CFAP58: variants seen among roughly 807,000 people sequenced by gnomAD.
CFAP58 encodes cilia and flagella associated protein 58, also known as cilia- and flagella-associated protein 58.
In CFAP58, 88 loss-of-function variants were observed where a neutral mutation model predicts 119.5. The observed-to-expected ratio is 0.74, with a 90% CI of 0.62 to 0.88. CFAP58 has a LOEUF of 0.88. CFAP58 is among the 40% of genes least tolerant of loss of function. The pLI, the probability that CFAP58 is intolerant of heterozygous loss-of-function variation, is 0.00. For synonymous variants in CFAP58, 365 were observed against 366.3 expected (o/e 1.00, Z 0.04); for missense variants, 990 against 1,021.2 (o/e 0.97, Z 0.42).
At chr10:104,359,480 G>GA (rs35390906) in intron 2 of CFAP58, among the ~76,000 whole-genome samples, 1 of 152,004 alleles carries the variant, frequency 6.6e-6, no homozygotes, top group African/African-American at 2.4e-5. Context: ...TTTTATAATG[G>GA]AAAAAAACAT....
upstream of CFAP58, chr10:104,353,816 C>A: frequency 6.5e-7 from 1 of 1,537,038 alleles, no homozygotes; most frequent in Non-Finnish European, 8.9e-7. Context: ...GCGCGTCGCG[C>A]CTTTAGCTTC....
intron 7 of CFAP58, among the ~76,000 whole-genome samples, chr10:104,372,772 G>A (rs191874729): frequency 1.1e-4 from 17 of 152,302 alleles, no homozygotes; most frequent in East Asian, 3.9e-4. Flanking sequence ...CCCATTTGGC[G>A]TTGAGCCCAA....
chr10:104,433,611 T>G (rs1222511363), intron 15 of CFAP58, among the ~76,000 whole-genome samples: 1 of 152,216 alleles, frequency 6.6e-6, no homozygotes. Flanking sequence ...AGAGCCAGGA[T>G]GGAGCCCTCT....
chr10:104,450,137 C>G lies in CFAP58; in HGVS notation c.2443C>G (p.Leu815Val), dbSNP rs372689808. 1 of 1,612,896 alleles carries G rather than the reference C, an allele frequency of 6.2e-7. No individual in the cohort carries two copies. Among genetic ancestry groups the G allele is most frequent in the Non-Finnish European group, 8.5e-7 (1 of 1,179,264 alleles). ...AGAATATAAATATGAGGTAGAGAAACTTACCAATGAGCTCCAGAATTTAAA... is the reference window on the plus strand; with the variant it reads ...AGAATATAAATATGAGGTAGAGAAAGTTACCAATGAGCTCCAGAATTTAAA... Reference protein sequence around the residue: ...SKEYKYEVEKLTNELQNLKKK... With the variant: ...SKEYKYEVEKVTNELQNLKKK... Residue 815 changes from leucine (L) to valine (V), a missense_variant, in exon 17 of 18, where the codon CTT (leucine) becomes GTT (valine). Transcript: ENST00000369704.
rs568070867 is a variant in CFAP58, at chr10:104,404,451, T to G, written c.2151+611T>G. Among the ~76,000 whole-genome samples, 3 of 152,184 alleles carry G rather than the reference T, an allele frequency of 2.0e-5. No individual in the cohort carries two copies. The East Asian group carries it at 5.8e-4, about 29-fold the overall frequency. ...CAGTTAAAGACAAACTCTTGCTTAT[T>G]CAAGAAAAAGCCATCTCTTTAGTTG... On this transcript the variant is annotated intron_variant, in intron 14 of 17. Transcript: ENST00000369704.
chr10:104,370,924 C>G lies in CFAP58; in HGVS notation c.960C>G (p.Arg320=). Residue 320 remains arginine, a synonymous_variant, in exon 7 of 18, where the codon CGC becomes CGG. Transcript: ENST00000369704. ...KAKEEEVHQM[R]LDIGKLNKIR... Reference sequence around the variant, plus strand: ...AAGAGGAAGAAGTCCATCAAATGCGCCTTGACATCGGGAAGCTCAACAAAA... The same window carrying G: ...AAGAGGAAGAAGTCCATCAAATGCGGCTTGACATCGGGAAGCTCAACAAAA... 3 of 1,613,248 alleles carry G rather than the reference C, an allele frequency of 1.9e-6. No homozygotes were observed. Among genetic ancestry groups the G allele is most frequent in the Non-Finnish European group, 2.5e-6 (3 of 1,179,778 alleles).
At chr10:104,402,010 C>CACAT (rs1398799494) in intron 13 of CFAP58, among the ~76,000 whole-genome samples, 1 of 152,156 alleles carries the variant, frequency 6.6e-6, no homozygotes, top group Non-Finnish European at 1.5e-5. Context: ...CACAAAGGAC[C>CACAT]ACATTTTATC....
chr10:104,368,640 G>A, intron 6 of CFAP58, 80 bp downstream of exon 6: 1 of 1,506,856 alleles, frequency 6.6e-7, no homozygotes, highest in Non-Finnish European at 9.1e-7. Context: ...GCCCTCAGTT[G>A]GAGAGCCTGT....
At chr10:104,340,462 G>A in the CFAP58 span, among the ~76,000 whole-genome samples, 1 of 152,146 alleles carries the variant, frequency 6.6e-6, no homozygotes, top group Admixed American at 6.5e-5. Flanking sequence ...CTCAGAACAG[G>A]CAGTTACTCC....
intron 9 of CFAP58, among the ~76,000 whole-genome samples, chr10:104,390,506 T>C (rs2012012261): frequency 6.6e-6 from 1 of 152,228 alleles, no homozygotes. Flanking sequence ...GTTTCCTTCT[T>C]TGTAAAATTG....
At position 104,447,729 on chromosome 10, in the gene CFAP58, A is replaced by G. The variant is rs1271129491; in HGVS notation, c.2288A>G (p.His763Arg). The G allele has an allele frequency of 6.2e-7, 1 of 1,614,132 alleles. No individual in the cohort carries two copies. Among genetic ancestry groups the G allele is most frequent in the Non-Finnish European group, 8.5e-7 (1 of 1,180,006 alleles). Residue 763 changes from histidine (H) to arginine (R), a missense_variant, in exon 16 of 18, where the codon CAC becomes CGC. By Grantham distance (29) the His-to-Arg change is conservative. Transcript: ENST00000369704. The stretch of plus-strand genomic sequence containing the variant: ...GAGAAACTCTACATGGAACTAAAGC[A>G]CGTCTTGGCCCGCCAGCCTGGACCT... ...EKEKLYMELKHVLARQPGPEA... is the reference protein window; with the variant it reads ...EKEKLYMELKRVLARQPGPEA...
chr10:104,346,792 C>T, the CFAP58 span, among the ~76,000 whole-genome samples: 403 of 151,836 alleles, frequency 2.7e-3, 4 homozygotes, highest in Non-Finnish European at 3.8e-3. Flanking sequence ...CCCACCACCA[C>T]ATCTGGCTAA....
rs1396644132 is a variant in CFAP58 at position 104,370,939 on chromosome 10, G to A, written c.975G>A (p.Lys325=). The change falls in exon 7 of 18, where the codon AAG becomes AAA. Residue 325 remains lysine (K), a synonymous_variant. Coordinates refer to ENST00000369704, the MANE Select transcript of CFAP58 (RefSeq NM_001008723.2). The part of the protein sequence containing the change: ...EVHQMRLDIG[K]LNKIREQIHK... ...ATCAAATGCGCCTTGACATCGGGAA[G>A]CTCAACAAAATCAGAGAACAAATTC... The A allele has an allele frequency of 5.6e-6, 9 of 1,613,482 alleles. No individual in the cohort carries two copies. The highest frequency in any genetic ancestry group is 6.8e-6 in the Non-Finnish European group (8 of 1,179,892).
At position 104,393,398 on chromosome 10, in the gene CFAP58, A is replaced by T; in HGVS notation, c.1597A>T (p.Ile533Phe). The T allele has an allele frequency of 6.2e-7, 1 of 1,614,140 alleles. No homozygotes were observed. The highest frequency in any genetic ancestry group is 8.5e-7 in the Non-Finnish European group (1 of 1,179,996). The change falls in exon 11 of 18, where the codon ATC (isoleucine) becomes TTC (phenylalanine). Residue 533 changes from isoleucine to phenylalanine, a missense_variant. Ile to Phe is a conservative substitution (Grantham distance 21). Transcript: ENST00000369704. ...IHQVDELKEDISAKESALVKL... is the reference protein window; with the variant it reads ...IHQVDELKEDFSAKESALVKL... ...TCAGGTAGATGAGCTGAAAGAAGAC[A>T]TCTCTGCCAAAGAGTCCGCACTTGT... is the stretch of plus-strand genomic sequence containing the variant.
intron 15 of CFAP58, among the ~76,000 whole-genome samples, chr10:104,412,421 C>T (rs868088246): frequency 6.6e-6 from 1 of 152,030 alleles, no homozygotes; most frequent in South Asian, 2.1e-4. Context: ...CCTTATTTAG[C>T]GTTTGGAATG....
At chr10:104,357,802 C>CACATATATGT (rs2014565149) in intron 1 of CFAP58, among the ~76,000 whole-genome samples, 1 of 135,980 alleles carries the variant, frequency 7.4e-6, no homozygotes, top group African/African-American at 3.3e-5. Flanking sequence ...CATATATATA[C>CACATATATGT]ACACATATAT....
intron 16 of CFAP58, among the ~76,000 whole-genome samples, chr10:104,448,949 A>C (rs2013151928): frequency 6.6e-6 from 1 of 152,258 alleles, no homozygotes; most frequent in Non-Finnish European, 1.5e-5. Context: ...TCAAAGGCTC[A>C]CAGGAGCCTT....
At chr10:104,358,828 A>C (rs112809076) in intron 2 of CFAP58, among the ~76,000 whole-genome samples, 41 of 152,324 alleles carry the variant, frequency 2.7e-4, no homozygotes, top group African/African-American at 9.9e-4. Flanking sequence ...ATAATGGAGA[A>C]TCTTACTTGT....
chr10:104,432,248 A>G (rs921949386), intron 15 of CFAP58, among the ~76,000 whole-genome samples: 1 of 152,252 alleles, frequency 6.6e-6, no homozygotes, highest in African/African-American at 2.4e-5. Context: ...GAGAAAGTTC[A>G]CTATCCTTAA....
Sources: gnomAD v4.1 joint callset for allele counts (sites outside exome capture counted in the v4.1 genomes callset) on GRCh38, gnomAD v4.1.1 for gene constraint, MANE v1.5 for transcripts, NCBI Gene and HGNC (gene_info 2026-07-23, HGNC 2026-07-21) for gene names.